Variants in SYNE1 observed in about 807,000 individuals in gnomAD.
SYNE1 encodes the protein spectrin repeat containing nuclear envelope protein 1.
In SYNE1, 616 loss-of-function variants were observed where a neutral mutation model predicts 1,111.0. That is an observed-to-expected ratio of 0.55 (90% CI 0.52 to 0.59). The LOEUF (loss-of-function observed/expected upper bound fraction) is 0.59, where lower values mean the gene tolerates loss of function less well. Among genes scored for constraint, SYNE1 ranks in the 20% least tolerant of loss-of-function variants. SYNE1 has a pLI of 0.00. For synonymous variants in SYNE1, 3,855 were observed against 3,825.8 expected (o/e 1.01, Z -0.28); for missense variants, 10,006 against 10,417.0 (o/e 0.96, Z 1.72).
chr6:152,334,186 G>A lies in SYNE1; in HGVS notation c.12616C>T (p.Pro4206Ser). ...VNKLTKKEES[P>S]EHKEINHLND... is the part of the protein sequence containing the mutation. ...AAATGATTTATTTCCTTGTGTTCAG[G>A]CGATTCCTCCTTCTTTGTTAACTTA... Residue 4206 changes from proline to serine, a missense_variant, in exon 77 of 146, where the codon CCT becomes TCT. By Grantham distance (74) the Pro-to-Ser change is moderately conservative. Coordinates refer to ENST00000367255, the MANE Select transcript of SYNE1 (RefSeq NM_182961.4). The A allele has an allele frequency of 6.2e-7, 1 of 1,614,060 alleles. No individual in the cohort carries two copies. The highest frequency in any genetic ancestry group is 8.5e-7 in the Non-Finnish European group (1 of 1,180,018).
intron 3 of SYNE1, among the ~76,000 whole-genome samples, chr6:152,548,699 GAAAAC>G (rs1235938496): frequency 6.6e-6 from 1 of 152,126 alleles, no homozygotes; most frequent in African/African-American, 2.4e-5. Flanking sequence ...CATGCAGAAA[GAAAAC>G]AAACAGTAGT....
chr6:152,136,901 AG>A (rs1386181850), intron 140 of SYNE1, 83 bp from the exon 141 acceptor site: 1 of 1,499,100 alleles, frequency 6.7e-7, no homozygotes, highest in Non-Finnish European at 9.2e-7. Flanking sequence ...ATGAATGAAA[AG>A]ATCCATTAAT....
Position 152,231,784 on chromosome 6 carries a change from A to ATGTGTG in SYNE1, c.20863-223_20863-218dup, listed in dbSNP as rs369191135. Among the ~76,000 whole-genome samples, 27,286 of 148,758 alleles carry ATGTGTG rather than the reference A, an allele frequency of 0.18. 2,618 individuals are homozygous for ATGTGTG. Among genetic ancestry groups the ATGTGTG allele is most frequent in the African/African-American group, 0.22 (8,906 of 40,358 alleles). On this transcript the variant is annotated intron_variant, in intron 113 of 145. Coordinates refer to ENST00000367255, the MANE Select transcript of SYNE1 (RefSeq NM_182961.4). ...AACATAAACACAGATATACGTGTGT[A>ATGTGTG]TGTGTGTGTGTGTGTGTGTATATAT... is the stretch of plus-strand genomic sequence containing the variant.
intron 3 of SYNE1, among the ~76,000 whole-genome samples, chr6:152,611,145 A>G (rs1030377146): frequency 3.5e-4 from 54 of 152,208 alleles, no homozygotes; most frequent in South Asian, 1.0e-3. Context: ...ACACATAACA[A>G]TATTAACCTT....
intron 3 of SYNE1, among the ~76,000 whole-genome samples, chr6:152,591,479 C>T (rs2099565342): frequency 1.3e-5 from 2 of 152,062 alleles, no homozygotes; most frequent in Admixed American, 6.6e-5. Context: ...GAAACAGGAC[C>T]CCTACCTTTC....
intron 99 of SYNE1, 137 bp from the exon 100 acceptor site, chr6:152,268,302 T>G (rs902242112): frequency 2.8e-6 from 2 of 703,168 alleles, no homozygotes; most frequent in African/African-American, 1.8e-5. Flanking sequence ...AAGCATGAGG[T>G]TTATGTAAAT....
At chr6:152,184,871 T>C (rs937477684) in intron 128 of SYNE1, among the ~76,000 whole-genome samples, 1 of 152,142 alleles carries the variant, frequency 6.6e-6, no homozygotes, top group Non-Finnish European at 1.5e-5. Flanking sequence ...ATTTAGTCTA[T>C]ATACTAAGTA....
At chr6:152,443,438 G>T (rs1052067634) in intron 30 of SYNE1, among the ~76,000 whole-genome samples, 18 of 152,180 alleles carry the variant, frequency 1.2e-4, no homozygotes, top group Non-Finnish European at 2.1e-4. Context: ...CTAATTTTTT[G>T]TATATTTAGT....
chr6:152,177,550 A>G (rs931473454), intron 129 of SYNE1, among the ~76,000 whole-genome samples: 1 of 152,174 alleles, frequency 6.6e-6, no homozygotes, highest in Non-Finnish European at 1.5e-5. Context: ...CTCCCAAGTC[A>G]TTTACCTAAG....
At chr6:152,214,775 A>T in intron 122 of SYNE1, 131 bp downstream of exon 122, 1 of 1,267,638 alleles carries the variant, frequency 7.9e-7, no homozygotes, top group Non-Finnish European at 1.1e-6. Context: ...CGGACTTCCC[A>T]GTCTCCAGAA....
intron 16 of SYNE1, among the ~76,000 whole-genome samples, chr6:152,469,403 A>T (rs1243461047): frequency 6.6e-6 from 1 of 152,092 alleles, no homozygotes; most frequent in Non-Finnish European, 1.5e-5. Flanking sequence ...TCACAGACAC[A>T]TGGGTGCTCA....
At chr6:152,520,161 T>C (rs552520186) in intron 6 of SYNE1, among the ~76,000 whole-genome samples, 1 of 152,214 alleles carries the variant, frequency 6.6e-6, no homozygotes, top group Non-Finnish European at 1.5e-5. Flanking sequence ...GAACTTGGAC[T>C]AATGTCTATG....
intron 3 of SYNE1, among the ~76,000 whole-genome samples, chr6:152,561,711 A>T (rs1273710273): frequency 6.6e-6 from 1 of 152,182 alleles, no homozygotes; most frequent in East Asian, 1.9e-4. Flanking sequence ...TGGCATAAAA[A>T]AACAATACAT....
In SYNE1 at chr6:152,164,341, G is replaced by A; in HGVS notation, c.23628-16C>T. The A allele has an allele frequency of 6.2e-7, 1 of 1,613,882 alleles. No individual in the cohort carries two copies. The highest frequency in any genetic ancestry group is 1.1e-5 in the South Asian group (1 of 91,060). On this transcript the variant is annotated splice_polypyrimidine_tract_variant and intron_variant, in intron 130 of 145. Coordinates refer to ENST00000367255, the MANE Select transcript of SYNE1 (RefSeq NM_182961.4). ...CTTCTTCACCCTGTGGGCAGAGAAGGGGGAATGTCCCACTTCAGCGAGAGG... is the reference window on the plus strand; with the variant it reads ...CTTCTTCACCCTGTGGGCAGAGAAGAGGGAATGTCCCACTTCAGCGAGAGG...
Position 152,425,601 on chromosome 6 carries a change from A to G in SYNE1, c.5101-54T>C, listed in dbSNP as rs920822687. On this transcript the variant is annotated intron_variant, in intron 38 of 145. Coordinates refer to ENST00000367255, the MANE Select transcript of SYNE1 (RefSeq NM_182961.4). ...ATCCTAACAGGACTGAAAAGTAAGGACCATGCGGCACAGGCGGCTGTTGTC... is the reference window on the plus strand; with the variant it reads ...ATCCTAACAGGACTGAAAAGTAAGGGCCATGCGGCACAGGCGGCTGTTGTC... 26 of 1,603,962 alleles carry G rather than the reference A, an allele frequency of 1.6e-5. No individual in the cohort carries two copies. In the African/African-American group the frequency reaches 3.2e-4, roughly 20 times the overall value.
In SYNE1 at chr6:152,526,333, C is replaced by T. The variant is rs541838217; in HGVS notation, c.130-158G>A. Among the ~76,000 whole-genome samples the T allele has an allele frequency of 5.9e-5, 9 of 152,146 alleles. No individual in the cohort carries two copies. The South Asian group carries it at 6.2e-4, about 11-fold the overall frequency. On this transcript the variant is annotated intron_variant, in intron 4 of 145. Coordinates refer to ENST00000367255, the MANE Select transcript of SYNE1 (RefSeq NM_182961.4). ...TTGGATTGAGTTGCCAATTGCCTTTCGATAACTGTGAGAAGAAAAACAATC... is the reference window on the plus strand; with the variant it reads ...TTGGATTGAGTTGCCAATTGCCTTTTGATAACTGTGAGAAGAAAAACAATC...
chr6:152,585,541 C>A (rs946040704), intron 3 of SYNE1, among the ~76,000 whole-genome samples: 1 of 152,156 alleles, frequency 6.6e-6, no homozygotes, highest in African/African-American at 2.4e-5. Flanking sequence ...TTTATAAAGA[C>A]CTTTGTCTAT....
chr6:152,123,217 G>A (rs963046052), intron 145 of SYNE1, among the ~76,000 whole-genome samples: 10 of 152,178 alleles, frequency 6.6e-5, no homozygotes, highest in Non-Finnish European at 1.3e-4. Flanking sequence ...TAATCATAGA[G>A]CATACCCTGG....
In SYNE1 at chr6:152,232,218, C is replaced by G. The variant is rs771798368; in HGVS notation, c.20760G>C (p.Met6920Ile). The change falls in exon 113 of 146, where the codon ATG becomes ATC. Residue 6920 changes from methionine to isoleucine, a missense_variant. Transcript: ENST00000367255. ...LPSRHAISEV[M>I]SWISLMENVI... is the part of the protein sequence containing the mutation. Reference sequence around the variant, plus strand: ...CATTTTCCATTAGAGAAATCCAACTCATGACTTCAGAAATGGCATGGCGGG... The same window carrying G: ...CATTTTCCATTAGAGAAATCCAACTGATGACTTCAGAAATGGCATGGCGGG... 1 of 1,614,014 alleles carries G rather than the reference C, an allele frequency of 6.2e-7. No homozygotes were observed. The highest frequency in any genetic ancestry group is 1.1e-5 in the South Asian group (1 of 91,074).
Sources: gnomAD v4.1 joint callset for allele counts (sites outside exome capture counted in the v4.1 genomes callset) on GRCh38, gnomAD v4.1.1 for gene constraint, MANE v1.5 for transcripts, NCBI Gene and HGNC (gene_info 2026-07-23, HGNC 2026-07-21) for gene names.